Variants in RBFOX1 observed in about 807,000 individuals in gnomAD.
The protein encoded by RBFOX1 is RNA binding fox-1 homolog 1.
Under a neutral mutation model 57.7 loss-of-function variants are expected in RBFOX1, and 8 were observed. The ratio of observed to expected loss-of-function variants is 0.14; its 90% CI spans 0.08 to 0.25. RBFOX1 has a LOEUF of 0.25. RBFOX1 is among the 10% of genes least tolerant of loss of function. The pLI, the probability that RBFOX1 is intolerant of heterozygous loss-of-function variation, is 1.00. For synonymous variants in RBFOX1, 326 were observed against 222.4 expected, an observed-to-expected ratio of 1.47 and a Z score of -4.15; for missense variants, 611 against 548.5, an observed-to-expected ratio of 1.11 and a Z score of -1.14.
intron 3 of RBFOX1, chr16:6,705,350 G>T (rs761260044): frequency 1.3e-5 from 2 of 152,252 alleles, no homozygotes; most frequent in Non-Finnish European, 2.9e-5. Flanking sequence ...GATGGATGGG[G>T]GTTGGCATCA....
At chr16:5,278,803 A>G (rs1423431652) in intron 1 of RBFOX1, among the ~76,000 whole-genome samples, 1 of 152,170 alleles carries the variant, frequency 6.6e-6, no homozygotes, top group African/African-American at 2.4e-5. Context: ...ATTCTTCTGT[A>G]TTTGGATATC....
chr16:6,064,177 C>G (rs1352893620), intron 1 of RBFOX1, among the ~76,000 whole-genome samples: 2 of 152,094 alleles, frequency 1.3e-5, no homozygotes, highest in Admixed American at 1.3e-4. Context: ...ATTATAGAGC[C>G]TATTCTTGCA....
chr16:5,299,098 C>T (rs1386297984), intron 1 of RBFOX1, among the ~76,000 whole-genome samples: 1 of 150,796 alleles, frequency 6.6e-6, no homozygotes, highest in Non-Finnish European at 1.5e-5. Flanking sequence ...TGTCGCCTTC[C>T]AGGGGCAACC....
rs544916545 is a variant in RBFOX1, at chr16:6,976,901, A to G, written c.-15-75156A>G. Reference sequence around the variant, plus strand: ...TATCCATATCACATATATGGTGTATATCATATATATCACATATATTGTATA... The same window carrying G: ...TATCCATATCACATATATGGTGTATGTCATATATATCACATATATTGTATA... On this transcript the variant is annotated intron_variant, in intron 3 of 15. Transcript: ENST00000550418. Among the ~76,000 whole-genome samples the G allele has an allele frequency of 3.3e-3, 483 of 144,794 alleles. 5 individuals are homozygous for G. The highest frequency in any genetic ancestry group is 0.011 in the Middle Eastern group (3 of 274). 95.0% of individuals were successfully genotyped at this position (144,794 alleles called of 152,430 possible).
chr16:6,804,973 A>T (rs548314125), intron 3 of RBFOX1, among the ~76,000 whole-genome samples: 1 of 152,330 alleles, frequency 6.6e-6, no homozygotes, highest in African/African-American at 2.4e-5. Context: ...TGTGAAAAGC[A>T]CTGTGAAAGG....
At chr16:7,551,328 G>A (rs1252030878) in intron 5 of RBFOX1, among the ~76,000 whole-genome samples, 2 of 152,126 alleles carry the variant, frequency 1.3e-5, no homozygotes, top group Non-Finnish European at 2.9e-5. Flanking sequence ...TAGACAGCAT[G>A]AGGCATCCAC....
chr16:5,726,413 T>C (rs2052154102), intron 3 of RBFOX1, among the ~76,000 whole-genome samples: 1 of 152,154 alleles, frequency 6.6e-6, no homozygotes, highest in Admixed American at 6.5e-5. Context: ...CCTGGGGCCC[T>C]AGACAACAAC....
intron 4 of RBFOX1, among the ~76,000 whole-genome samples, chr16:7,126,037 C>T (rs893781572): frequency 3.9e-5 from 6 of 152,094 alleles, no homozygotes; most frequent in South Asian, 2.1e-4. Flanking sequence ...GAGCTGAGAT[C>T]GCACCATTGC....
At chr16:5,746,018 C>T (rs1231522348) in intron 3 of RBFOX1, among the ~76,000 whole-genome samples, 6 of 152,224 alleles carry the variant, frequency 3.9e-5, no homozygotes, top group Admixed American at 1.3e-4. Context: ...TTGCCCATGC[C>T]TGTGTCCTGA....
At chr16:6,045,328 G>T (rs535495652) in intron 1 of RBFOX1, among the ~76,000 whole-genome samples, 6 of 152,118 alleles carry the variant, frequency 3.9e-5, no homozygotes, top group Admixed American at 3.9e-4. Flanking sequence ...TTAATGCTTG[G>T]GTGTTTGGTG....
chr16:5,683,889 G>A (rs1024153487), intron 3 of RBFOX1, among the ~76,000 whole-genome samples: 4 of 151,134 alleles, frequency 2.6e-5, no homozygotes, highest in African/African-American at 7.3e-5. Flanking sequence ...ATTGCCTAAG[G>A]TCTTCCCCTA....
At chr16:6,859,871 T>G (rs2058697435) in intron 3 of RBFOX1, among the ~76,000 whole-genome samples, 1 of 152,190 alleles carries the variant, frequency 6.6e-6, no homozygotes, top group Non-Finnish European at 1.5e-5. Flanking sequence ...TTGCTTTTCC[T>G]TTGAGTTAGA....
At chr16:6,560,338 AGTGG>A (rs2097163930) in intron 2 of RBFOX1, among the ~76,000 whole-genome samples, 7 of 151,638 alleles carry the variant, frequency 4.6e-5, no homozygotes, top group Non-Finnish European at 1.0e-4. Context: ...AGGGCAGGAG[AGTGG>A]GGGTGGAAGA....
intron 1 of RBFOX1, among the ~76,000 whole-genome samples, chr16:6,278,475 C>T (rs2076065575): frequency 6.8e-6 from 1 of 147,408 alleles, no homozygotes; most frequent in African/African-American, 2.5e-5. Context: ...TGCGTCACCT[C>T]CTACTTTAAT....
intron 5 of RBFOX1, among the ~76,000 whole-genome samples, chr16:7,520,529 G>A (rs867901004): frequency 9.9e-5 from 15 of 152,196 alleles, no homozygotes; most frequent in African/African-American, 2.9e-4. Flanking sequence ...GTTCATTCAT[G>A]TGGAGTACCC....
At chr16:5,321,401 G>C (rs959105829) in intron 1 of RBFOX1, among the ~76,000 whole-genome samples, 3 of 151,706 alleles carry the variant, frequency 2.0e-5, no homozygotes, top group Admixed American at 6.6e-5. Context: ...CTTACTGCCA[G>C]CTCCGCCTCC....
At chr16:6,420,333 G>C (rs2093738058) in intron 2 of RBFOX1, among the ~76,000 whole-genome samples, 1 of 130,830 alleles carries the variant, frequency 7.6e-6, no homozygotes, top group Admixed American at 8.0e-5. Context: ...GGTGGTTAGA[G>C]TGTGGGGAGA....
chr16:7,340,913 A>G (rs962050613), intron 4 of RBFOX1, among the ~76,000 whole-genome samples: 1 of 152,164 alleles, frequency 6.6e-6, no homozygotes, highest in African/African-American at 2.4e-5. Context: ...AAGGCATGCT[A>G]TATCAGCAAC....
intron 3 of RBFOX1, among the ~76,000 whole-genome samples, chr16:5,715,038 A>G (rs1017223109): frequency 6.6e-6 from 1 of 152,236 alleles, no homozygotes; most frequent in African/African-American, 2.4e-5. Flanking sequence ...AACATAAATG[A>G]GAAGGATAAC....
Sources: gnomAD v4.1 joint callset for allele counts (sites outside exome capture counted in the v4.1 genomes callset) on GRCh38, gnomAD v4.1.1 for gene constraint, MANE v1.5 for transcripts, NCBI Gene and HGNC (gene_info 2026-07-23, HGNC 2026-07-21) for gene names.